Variants in TP63 observed in about 807,000 individuals in gnomAD.
TP63 encodes tumor protein 63.
A neutral mutation model predicts 82.8 loss-of-function variants in TP63; 17 were observed. That is an observed-to-expected ratio of 0.21 (90% CI 0.14 to 0.31). TP63 has a LOEUF of 0.31. Among genes scored for constraint, TP63 ranks in the 10% least tolerant of loss-of-function variants. The pLI, the probability that TP63 is intolerant of heterozygous loss-of-function variation, is 1.00. For synonymous variants in TP63, 330 were observed against 321.7 expected, an observed-to-expected ratio of 1.03 and a Z score of -0.28; for missense variants, 648 against 895.3, an observed-to-expected ratio of 0.72 and a Z score of 3.52.
chr3:189,599,432 G>A, the TP63 span, among the ~76,000 whole-genome samples: 1 of 152,116 alleles, frequency 6.6e-6, no homozygotes, highest in African/African-American at 2.4e-5. Flanking sequence ...ATTTCTCAGA[G>A]ACTCTTTCTG....
At chr3:189,683,767 C>T (rs895863013) in intron 1 of TP63, among the ~76,000 whole-genome samples, 8 of 152,180 alleles carry the variant, frequency 5.3e-5, no homozygotes, top group African/African-American at 1.9e-4. Flanking sequence ...CAGTAGCCTG[C>T]CAATCCTACC....
At chr3:189,797,666 ACT>A (rs1181571006) in intron 3 of TP63, among the ~76,000 whole-genome samples, 1 of 152,022 alleles carries the variant, frequency 6.6e-6, no homozygotes, top group Non-Finnish European at 1.5e-5. Context: ...GAGGTTGAGG[ACT>A]CCACAAGACA....
the TP63 span, among the ~76,000 whole-genome samples, chr3:189,607,178 A>G: frequency 1.3e-5 from 2 of 152,220 alleles, no homozygotes; most frequent in African/African-American, 4.8e-5. Context: ...GACAGAGCAG[A>G]GCCAACTGAG....
chr3:189,782,482 A>T (rs1724302984), intron 3 of TP63, among the ~76,000 whole-genome samples: 1 of 152,184 alleles, frequency 6.6e-6, no homozygotes, highest in African/African-American at 2.4e-5. Context: ...TTCAAACATA[A>T]GACAATACAG....
intron 1 of TP63, among the ~76,000 whole-genome samples, chr3:189,707,548 G>C (rs535735420): frequency 2.4e-4 from 36 of 152,200 alleles, no homozygotes; most frequent in African/African-American, 8.4e-4. Flanking sequence ...TGTGTCAGAG[G>C]ATAAGGATAT....
At chr3:189,881,154 C>T (rs1719869663) in intron 10 of TP63, 1 of 984,626 alleles carries the variant, frequency 1.0e-6, no homozygotes, top group Admixed American at 6.2e-5. Flanking sequence ...ATTACTGATA[C>T]TGTTCAGTGC....
intron 3 of TP63, among the ~76,000 whole-genome samples, chr3:189,799,565 A>G (rs185421506): frequency 3.8e-4 from 58 of 152,258 alleles, no homozygotes; most frequent in African/African-American, 1.3e-3. Context: ...AGGAAGTAGA[A>G]GCTCATTAAT....
chr3:189,894,194 C>G lies in TP63; in HGVS notation c.1747-12C>G, dbSNP rs1175293279. Reference sequence around the variant, plus strand: ...GTTTTCATTCTCCATGACACCTTCCCCTGTTGCACAGGATCTGGCAAGTCT... The same window carrying G: ...GTTTTCATTCTCCATGACACCTTCCGCTGTTGCACAGGATCTGGCAAGTCT... On this transcript the variant is annotated splice_polypyrimidine_tract_variant and intron_variant, in intron 13 of 13. Transcript: ENST00000264731. 6.2e-7 allele frequency: 1 copy of G among 1,614,100 alleles called. No homozygotes were observed. The highest frequency in any genetic ancestry group is 1.7e-5 in the Admixed American group (1 of 60,024).
intron 1 of TP63, among the ~76,000 whole-genome samples, chr3:189,686,228 C>G (rs1716425495): frequency 7.5e-6 from 1 of 133,736 alleles, no homozygotes; most frequent in Non-Finnish European, 1.6e-5. Flanking sequence ...TGAGTTTGTC[C>G]CTTGAACTTT....
chr3:189,804,211 T>G (rs1227365779), intron 3 of TP63, among the ~76,000 whole-genome samples: 1 of 152,186 alleles, frequency 6.6e-6, no homozygotes, highest in Non-Finnish European at 1.5e-5. Flanking sequence ...TCCCAGCATA[T>G]TACACATTTC....
chr3:189,709,450 C>T (rs1718435607), intron 1 of TP63, among the ~76,000 whole-genome samples: 2 of 151,992 alleles, frequency 1.3e-5, no homozygotes, highest in South Asian at 2.1e-4. Flanking sequence ...CTATGGAGCC[C>T]ACAGTCTGAA....
chr3:189,665,874 A>G (rs1235679852), intron 1 of TP63, among the ~76,000 whole-genome samples: 1 of 152,088 alleles, frequency 6.6e-6, no homozygotes, highest in Non-Finnish European at 1.5e-5. Context: ...AATTTTAAGC[A>G]TAACTTTAAT....
In TP63 at chr3:189,881,131, T is replaced by A. The variant is rs540239750; in HGVS notation, c.1350-5263T>A. On this transcript the variant is annotated intron_variant, in intron 10 of 13. Coordinates refer to ENST00000264731, the MANE Select transcript of TP63 (RefSeq NM_003722.5). ...TTCTATCCCTCAAGCCTACCTACCA[T>A]AAAACCAGCCATATTACTGATACTG... is the stretch of plus-strand genomic sequence containing the variant. 3,060 of 985,352 alleles carry A rather than the reference T, an allele frequency of 3.1e-3. 7 individuals carry two copies. Among genetic ancestry groups the A allele is most frequent in the Non-Finnish European group, 3.3e-3 (2,774 of 829,916 alleles). 61.0% of individuals were successfully genotyped at this position (985,352 alleles called of 1,614,324 possible).
At chr3:189,669,571 T>A (rs1714715756) in intron 1 of TP63, among the ~76,000 whole-genome samples, 1 of 152,008 alleles carries the variant, frequency 6.6e-6, no homozygotes, top group Admixed American at 6.6e-5. Flanking sequence ...TTATAAAATC[T>A]GTAAGTAAAA....
intron 4 of TP63, among the ~76,000 whole-genome samples, chr3:189,824,969 A>G (rs936213288): frequency 4.6e-5 from 7 of 152,202 alleles, no homozygotes; most frequent in Non-Finnish European, 1.0e-4. Flanking sequence ...CTGTAAGGAT[A>G]TAGAATAAGT....
intron 1 of TP63, among the ~76,000 whole-genome samples, chr3:189,699,188 C>T (rs1277083091): frequency 1.3e-5 from 2 of 152,110 alleles, no homozygotes; most frequent in Non-Finnish European, 2.9e-5. Flanking sequence ...TTTTAACACT[C>T]ACAGTAACCC....
chr3:189,848,992 G>A (rs1715294102), intron 4 of TP63, among the ~76,000 whole-genome samples: 1 of 152,182 alleles, frequency 6.6e-6, no homozygotes, highest in African/African-American at 2.4e-5. Context: ...AGGAGAGAGA[G>A]GCTGAAGGTT....
At chr3:189,857,786 C>A (rs999416149) in intron 4 of TP63, among the ~76,000 whole-genome samples, 1 of 152,122 alleles carries the variant, frequency 6.6e-6, no homozygotes, top group African/African-American at 2.4e-5. Context: ...GCAAATCAAA[C>A]TACAATGAAA....
intron 1 of TP63, among the ~76,000 whole-genome samples, chr3:189,682,553 A>ATATAT (rs1322646970): frequency 1.9e-4 from 2 of 10,354 alleles, no homozygotes; most frequent in African/African-American, 4.3e-4. Context: ...AAAAAAAAAA[A>ATATAT]ATATATATAT....
Sources: gnomAD v4.1 joint callset for allele counts (sites outside exome capture counted in the v4.1 genomes callset) on GRCh38, gnomAD v4.1.1 for gene constraint, MANE v1.5 for transcripts, NCBI Gene and HGNC (gene_info 2026-07-23, HGNC 2026-07-21) for gene names.